DGLUCY: variants seen among roughly 807,000 people sequenced by gnomAD.
The protein encoded by DGLUCY is D-glutamate cyclase, mitochondrial.
DGLUCY carries 58 observed loss-of-function variants against 58.5 expected under a neutral mutation model. The ratio of observed to expected loss-of-function variants is 0.99; its 90% CI spans 0.80 to 1.23. The LOEUF (loss-of-function observed/expected upper bound fraction) is 1.23. Among genes scored for constraint, DGLUCY ranks in the 50% most tolerant of loss-of-function variants. The probability of loss-of-function intolerance (pLI) is 0.00; values close to 1 mark genes in which losing one functional copy is unlikely to be tolerated. For synonymous variants in DGLUCY, 325 were observed against 314.1 expected, an observed-to-expected ratio of 1.03 and a Z score of -0.37; for missense variants, 779 against 784.7, an observed-to-expected ratio of 0.99 and a Z score of 0.09.
At chr14:91,180,696 GGA>G (rs1364664754) in intron 7 of DGLUCY, among the ~76,000 whole-genome samples, 1 of 151,832 alleles carries the variant, frequency 6.6e-6, no homozygotes, top group Non-Finnish European at 1.5e-5. Flanking sequence ...ATCTAACAAA[GGA>G]GAGTCTTTAA....
chr14:91,120,752 GCATA>G (rs1358588894), intron 1 of DGLUCY, among the ~76,000 whole-genome samples: 1 of 152,078 alleles, frequency 6.6e-6, no homozygotes, highest in East Asian at 1.9e-4. Context: ...TGCACCTTTT[GCATA>G]CATTCAATCA....
At chr14:91,087,528 A>G (rs1317980177) in intron 1 of DGLUCY, among the ~76,000 whole-genome samples, 1 of 152,262 alleles carries the variant, frequency 6.6e-6, no homozygotes, top group Non-Finnish European at 1.5e-5. Flanking sequence ...TTGCCCTGGC[A>G]TGCTTATACT....
chr14:91,214,700 T>C (rs1387950353), intron 12 of DGLUCY, among the ~76,000 whole-genome samples: 1 of 152,104 alleles, frequency 6.6e-6, no homozygotes, highest in Non-Finnish European at 1.5e-5. Context: ...ACATAGAGGA[T>C]TTATCAAAAC....
chr14:91,211,565 C>T (rs1441223637), intron 12 of DGLUCY, among the ~76,000 whole-genome samples: 1 of 152,170 alleles, frequency 6.6e-6, no homozygotes, highest in East Asian at 1.9e-4. Flanking sequence ...GGAGCAAAGG[C>T]AATGCAATGG....
chr14:91,205,396 C>T (rs768440410), intron 12 of DGLUCY, among the ~76,000 whole-genome samples: 27 of 152,146 alleles, frequency 1.8e-4, no homozygotes, highest in Non-Finnish European at 2.5e-4. Context: ...TGTCCAGGTC[C>T]GTCTAGGTGT....
intron 1 of DGLUCY, among the ~76,000 whole-genome samples, chr14:91,150,028 G>T (rs1218164565): frequency 6.6e-6 from 1 of 151,856 alleles, no homozygotes; most frequent in African/African-American, 2.4e-5. Context: ...AGACCAGCCT[G>T]GCCAATATGG....
chr14:91,217,400 G>A (rs1016159488), intron 13 of DGLUCY, among the ~76,000 whole-genome samples: 7 of 151,992 alleles, frequency 4.6e-5, no homozygotes, highest in African/African-American at 1.2e-4. Flanking sequence ...GTGGGTGGTC[G>A]CTACAAGTCC....
chr14:91,084,787 C>T lies in DGLUCY; in HGVS notation c.-82+24083C>T, dbSNP rs1390917733. Among the ~76,000 whole-genome samples, 53 of 152,184 alleles carry T rather than the reference C, an allele frequency of 3.5e-4. 1 individual carries two copies. Reference sequence around the variant, plus strand: ...GACTTGAAGTGGGTGTGAGGATGTGCAGATTGGAAGCAAAGCAATGCCTTC... The same window carrying T: ...GACTTGAAGTGGGTGTGAGGATGTGTAGATTGGAAGCAAAGCAATGCCTTC... On this transcript the variant is annotated intron_variant, in intron 1 of 4. Transcript: ENST00000521334.
intron 1 of DGLUCY, among the ~76,000 whole-genome samples, chr14:91,149,489 A>G (rs957986191): frequency 1.3e-5 from 2 of 152,210 alleles, no homozygotes; most frequent in African/African-American, 4.8e-5. Context: ...TGAGCTGTGC[A>G]GTGCCAGAAG....
chr14:91,190,473 G>A (rs1345260790), intron 9 of DGLUCY, among the ~76,000 whole-genome samples: 3 of 152,148 alleles, frequency 2.0e-5, no homozygotes, highest in Admixed American at 6.5e-5. Flanking sequence ...GGGGCTGGGC[G>A]GTGGCAGCAG....
At chr14:91,151,138 T>C (rs1273803371) in intron 1 of DGLUCY, among the ~76,000 whole-genome samples, 1 of 152,116 alleles carries the variant, frequency 6.6e-6, no homozygotes, top group African/African-American at 2.4e-5. Flanking sequence ...GTAGCATGCA[T>C]CAGAATTTCC....
chr14:91,223,639 G>A, intron 13 of DGLUCY: 1 of 1,281,570 alleles, frequency 7.8e-7, no homozygotes. Flanking sequence ...GAGGGGGGAT[G>A]GAGGAGGATC....
chr14:91,187,772 A>G (rs911201198), intron 8 of DGLUCY, among the ~76,000 whole-genome samples: 1 of 152,266 alleles, frequency 6.6e-6, no homozygotes, highest in East Asian at 1.9e-4. Flanking sequence ...AGGACCCCAC[A>G]GTTTCTTAGA....
In DGLUCY at chr14:91,173,400, G is replaced by A. The variant is rs146149732; in HGVS notation, c.568G>A (p.Gly190Arg). The change falls in exon 6 of 14, where the codon GGA becomes AGA. Residue 190 changes from glycine to arginine, a missense_variant. By Grantham distance (125) the Gly-to-Arg change is moderately radical. Transcript: ENST00000256324. ...EGLVRACCSL[G>R]GEQGQPVHMG... ...GCTGGTGCGGGCCTGCTGCTCCCTCGGAGGTGAGCAGGGGCAACCTGTTCA... is the reference window on the plus strand; with the variant it reads ...GCTGGTGCGGGCCTGCTGCTCCCTCAGAGGTGAGCAGGGGCAACCTGTTCA... 1.1e-4 allele frequency: 173 copies of A among 1,611,744 alleles called. No homozygotes were observed. The African/African-American group carries it at 1.9e-3, about 18-fold the overall frequency.
chr14:91,060,610 C>T, exon 1 of DGLUCY: 1 of 877,318 alleles, frequency 1.1e-6, no homozygotes, highest in Non-Finnish European at 1.5e-6. Flanking sequence ...CTCCTCGCCT[C>T]CTCCCCCTTC....
At chr14:91,209,145 C>G (rs1885254210) in intron 12 of DGLUCY, among the ~76,000 whole-genome samples, 1 of 151,880 alleles carries the variant, frequency 6.6e-6, no homozygotes, top group African/African-American at 2.4e-5. Flanking sequence ...GAACTCCCAT[C>G]TCTACTAAAA....
At chr14:91,181,020 A>G (rs1189351573) in intron 7 of DGLUCY, among the ~76,000 whole-genome samples, 166 bp from the exon 8 acceptor site, 2 of 152,228 alleles carry the variant, frequency 1.3e-5, no homozygotes, top group Non-Finnish European at 1.5e-5. Flanking sequence ...AACTTGATGT[A>G]GCTATAAACC....
At chr14:91,072,664 AC>A (rs141782690) in intron 1 of DGLUCY, among the ~76,000 whole-genome samples, 38,717 of 145,350 alleles carry the variant, frequency 0.27, 4,979 homozygotes, top group Middle Eastern at 0.31. Context: ...AAAAAAAAAA[AC>A]AAAAAACAAA....
At chr14:91,166,078 A>C (rs2048266746) in intron 3 of DGLUCY, among the ~76,000 whole-genome samples, 2 of 152,262 alleles carry the variant, frequency 1.3e-5, no homozygotes, top group Admixed American at 1.3e-4. Context: ...CTAGACTTAA[A>C]AGACACATAG....
Sources: gnomAD v4.1 joint callset for allele counts (sites outside exome capture counted in the v4.1 genomes callset) on GRCh38, gnomAD v4.1.1 for gene constraint, MANE v1.5 for transcripts, NCBI Gene and HGNC (gene_info 2026-07-23, HGNC 2026-07-21) for gene names.